Variants in WDPCP observed in about 807,000 individuals in gnomAD.
WDPCP encodes the protein WD repeat containing planar cell polarity effector, also known as WD repeat-containing and planar cell polarity effector protein fritz homolog.
Under a neutral mutation model 93.1 loss-of-function variants are expected in WDPCP, and 71 were observed. The ratio of observed to expected loss-of-function variants is 0.76; its 90% CI spans 0.63 to 0.93. The LOEUF is 0.93. Ranked by LOEUF, WDPCP falls within the 40% of genes least tolerant of loss-of-function variation. The probability of loss-of-function intolerance (pLI) is 0.00; values close to 1 mark genes in which losing one functional copy is unlikely to be tolerated. For missense variants in WDPCP, 844 were observed against 887.4 expected (o/e 0.95, Z 0.62); for synonymous variants, 315 against 315.0 (o/e 1.00, Z 0.00).
intron 10 of WDPCP, among the ~76,000 whole-genome samples, chr2:63,394,831 A>C (rs1693581196): frequency 6.6e-6 from 1 of 152,184 alleles, no homozygotes; most frequent in Non-Finnish European, 1.5e-5. Context: ...GTGGGAGCTA[A>C]ACATTGAGTA....
At position 63,301,656 on chromosome 2, in the gene WDPCP, C is replaced by T. The variant is rs76602273; in HGVS notation, c.1812+11592G>A. Reference sequence around the variant, plus strand: ...CCTCTGGTTCCATGGCTGGGGGTCACGCCAGCAACCATGAGCAGCATGTTC... The same window carrying T: ...CCTCTGGTTCCATGGCTGGGGGTCATGCCAGCAACCATGAGCAGCATGTTC... On this transcript the variant is annotated intron_variant, in intron 13 of 17. Coordinates refer to ENST00000272321, the MANE Select transcript of WDPCP (RefSeq NM_015910.7). Among the ~76,000 whole-genome samples, 1,151 of 152,178 alleles carry T rather than the reference C, an allele frequency of 7.6e-3. 19 individuals are homozygous for T. Among genetic ancestry groups the T allele is most frequent in the African/African-American group, 0.026 (1,072 of 41,516 alleles).
At chr2:63,170,883 G>A (rs1305353870) in intron 15 of WDPCP, among the ~76,000 whole-genome samples, 2 of 152,022 alleles carry the variant, frequency 1.3e-5, no homozygotes, top group African/African-American at 4.8e-5. Flanking sequence ...GATCAATAGA[G>A]CAGAATGACA....
At chr2:63,256,939 AG>A in intron 14 of WDPCP, among the ~76,000 whole-genome samples, 1 of 152,182 alleles carries the variant, frequency 6.6e-6, no homozygotes, top group East Asian at 1.9e-4. Context: ...AAGTGGGTAT[AG>A]GAAGGCTTCT....
intron 3 of WDPCP, among the ~76,000 whole-genome samples, chr2:63,605,104 C>A (rs1406662449): frequency 6.6e-6 from 1 of 152,090 alleles, no homozygotes; most frequent in Non-Finnish European, 1.5e-5. Flanking sequence ...TATGGAGATA[C>A]ATAGTTTCCT....
chr2:63,511,111 CA>C (rs1447580550), intron 1 of WDPCP, among the ~76,000 whole-genome samples: 4 of 152,148 alleles, frequency 2.6e-5, no homozygotes, highest in African/African-American at 9.7e-5. Flanking sequence ...CAGTAATAGA[CA>C]AACAGCCAAA....
intron 1 of WDPCP, among the ~76,000 whole-genome samples, chr2:63,536,371 A>G (rs1198331699): frequency 1.3e-5 from 2 of 152,234 alleles, no homozygotes; most frequent in East Asian, 3.8e-4. Flanking sequence ...CATATACCCA[A>G]AGGATTATAA....
intron 1 of WDPCP, among the ~76,000 whole-genome samples, chr2:63,567,883 A>G (rs1478053854): frequency 6.6e-6 from 1 of 152,234 alleles, no homozygotes; most frequent in East Asian, 1.9e-4. Context: ...TTGAATAAAT[A>G]ATTTTTTATA....
At chr2:63,346,673 A>G (rs1689216759) in intron 12 of WDPCP, among the ~76,000 whole-genome samples, 1 of 152,200 alleles carries the variant, frequency 6.6e-6, no homozygotes, top group Admixed American at 6.5e-5. Flanking sequence ...CAAAGACTCA[A>G]GGTGACTCTT....
chr2:63,704,342 T>C lies in WDPCP; in HGVS notation n.309-53504A>G, dbSNP rs558630272. On this transcript the variant is annotated intron_variant and non_coding_transcript_variant, in intron 2 of 4. Coordinates refer to the WDPCP transcript ENST00000467687. ...CCAGAACTTCCAACACTATGTTGAATAGGAGTGGTGAGAGAGGGCATCTCT... is the reference window on the plus strand; with the variant it reads ...CCAGAACTTCCAACACTATGTTGAACAGGAGTGGTGAGAGAGGGCATCTCT... Among the ~76,000 whole-genome samples the C allele has an allele frequency of 4.7e-3, 710 of 152,284 alleles. 4 individuals carry two copies. Among genetic ancestry groups the C allele is most frequent in the Non-Finnish European group, 3.6e-3 (246 of 68,024 alleles).
At chr2:63,672,355 C>G (rs1326362915) in intron 2 of WDPCP, among the ~76,000 whole-genome samples, 1 of 152,206 alleles carries the variant, frequency 6.6e-6, no homozygotes, top group Non-Finnish European at 1.5e-5. Flanking sequence ...TTCTGAGAAG[C>G]ATTACTTTAA....
chr2:63,590,902 G>A (rs1347166409), upstream of WDPCP: 1 of 152,250 alleles, frequency 6.6e-6, no homozygotes, highest in Non-Finnish European at 1.5e-5. Context: ...ATTCAAAGCG[G>A]AGGATTCTTT....
intron 2 of WDPCP, among the ~76,000 whole-genome samples, chr2:63,655,006 C>T (rs1427398634): frequency 2.0e-5 from 3 of 152,120 alleles, no homozygotes; most frequent in Non-Finnish European, 4.4e-5. Context: ...ATTCTAGTAA[C>T]CAGACCAAGC....
chr2:63,355,972 T>C (rs1322160861), intron 12 of WDPCP, among the ~76,000 whole-genome samples: 1 of 152,150 alleles, frequency 6.6e-6, no homozygotes, highest in African/African-American at 2.4e-5. Flanking sequence ...TTTTAAAAGG[T>C]ACAATGTGGC....
At chr2:63,350,295 T>G (rs1231316478) in intron 12 of WDPCP, among the ~76,000 whole-genome samples, 1 of 151,946 alleles carries the variant, frequency 6.6e-6, no homozygotes, top group East Asian at 1.9e-4. Flanking sequence ...TGTCGGAGGG[T>G]GCAGGGCTGG....
intron 13 of WDPCP, among the ~76,000 whole-genome samples, chr2:63,274,237 TC>T (rs959944597): frequency 6.6e-6 from 1 of 152,010 alleles, no homozygotes; most frequent in African/African-American, 2.4e-5. Flanking sequence ...AACAATATGT[TC>T]CTCAATGACC....
rs182078890 is a variant in WDPCP, at chr2:63,765,777, C to T, written n.308+47845G>A. ...CCTGGTTAAAAATTTTGGCTCAATT[C>T]GGGGGCACATGTGTTTGTTCATCTG... On this transcript the variant is annotated intron_variant and non_coding_transcript_variant, in intron 2 of 4. Coordinates refer to the WDPCP transcript ENST00000467687. Among the ~76,000 whole-genome samples the T allele has an allele frequency of 2.3e-3, 354 of 152,262 alleles. 1 individual carries two copies. The highest frequency in any genetic ancestry group is 3.4e-3 in the Non-Finnish European group (231 of 68,022).
At chr2:63,698,819 T>G (rs1166398820) in intron 2 of WDPCP, among the ~76,000 whole-genome samples, 7 of 152,170 alleles carry the variant, frequency 4.6e-5, no homozygotes, top group Non-Finnish European at 8.8e-5. Context: ...AAATTAGCTG[T>G]GATGGAGAAG....
intron 1 of WDPCP, among the ~76,000 whole-genome samples, chr2:63,575,467 G>GTATATA (rs1558832897): frequency 0.066 from 450 of 6,812 alleles, 131 homozygotes; most frequent in African/African-American, 0.22. Flanking sequence ...CAGTATATAT[G>GTATATA]CAGTATATAC....
chr2:63,805,844 G>A (rs576290199), intron 2 of WDPCP, among the ~76,000 whole-genome samples: 113 of 152,180 alleles, frequency 7.4e-4, no homozygotes, highest in Non-Finnish European at 1.2e-3. Context: ...CCCTGGCTGG[G>A]TGCAGTGGCT....
Sources: gnomAD v4.1 joint callset for allele counts (sites outside exome capture counted in the v4.1 genomes callset) on GRCh38, gnomAD v4.1.1 for gene constraint, MANE v1.5 for transcripts, NCBI Gene and HGNC (gene_info 2026-07-23, HGNC 2026-07-21) for gene names.